Variants in MGAT5 observed in about 807,000 individuals in gnomAD.
MGAT5 encodes alpha-1,6-mannosylglycoprotein 6-beta-N-acetylglucosaminyltransferase A.
In MGAT5, 30 loss-of-function variants were observed where a neutral mutation model predicts 94.3. The ratio of observed to expected loss-of-function variants is 0.32; its 90% CI spans 0.24 to 0.43. The LOEUF is 0.43. MGAT5 is among the 20% of genes least tolerant of loss of function. The pLI, the probability that MGAT5 is intolerant of heterozygous loss-of-function variation, is 1.00. For missense variants in MGAT5, 691 were observed against 905.5 expected (o/e 0.76, Z 3.04); for synonymous variants, 310 against 322.9 (o/e 0.96, Z 0.43).
intron 1 of MGAT5, among the ~76,000 whole-genome samples, chr2:134,194,661 G>C (rs527479185): frequency 3.2e-4 from 49 of 152,190 alleles, no homozygotes; most frequent in African/African-American, 1.1e-3. Flanking sequence ...CCCTCCCCCG[G>C]GAGGTCTAGA....
In MGAT5 at chr2:134,216,302, T is replaced by A. The variant is rs1286036945; in HGVS notation, c.-142-37960T>A. Among the ~76,000 whole-genome samples, 5 of 152,038 alleles carry A rather than the reference T, an allele frequency of 3.3e-5. No homozygotes were observed. In the South Asian group the frequency reaches 1.0e-3, roughly 32 times the overall value. ...AGTCAGTGGGTGAAAGATGGCTAAG[T>A]CTGAAGCTTGTTCATGTTGTCGTCC... is the stretch of plus-strand genomic sequence containing the variant. On this transcript the variant is annotated intron_variant, in intron 1 of 16. Coordinates refer to the MGAT5 transcript ENST00000409645.
chr2:134,330,554 A>AGTGTGTGTGT (rs34688054), intron 4 of MGAT5, among the ~76,000 whole-genome samples: 4,175 of 148,540 alleles, frequency 0.028, 164 homozygotes, highest in African/African-American at 0.087. Context: ...TAAATTGTGT[A>AGTGTGTGTGT]GTGTGTGTGT....
At position 134,422,795 on chromosome 2, in the gene MGAT5, T is replaced by A. The variant is rs1428439433; in HGVS notation, c.1678-8T>A. The A allele has an allele frequency of 6.2e-7, 1 of 1,612,216 alleles. No individual in the cohort carries two copies. Among genetic ancestry groups the A allele is most frequent in the Non-Finnish European group, 8.5e-7 (1 of 1,178,560 alleles). On this transcript the variant is annotated splice_polypyrimidine_tract_variant and splice_region_variant and intron_variant, in intron 12 of 15. Coordinates refer to ENST00000281923, the MANE Select transcript of MGAT5 (RefSeq NM_002410.5). ...CTTGTGAGACTGAGGTGTTCGGTTC[T>A]TTTCCAGCTGACATCCCAGCATCCT...
At position 134,192,045 on chromosome 2, in the gene MGAT5, C is replaced by T. The variant is rs377670184; in HGVS notation, c.-142-62217C>T. 2.8e-4 allele frequency among the ~76,000 whole-genome samples: 41 copies of T among 145,392 alleles called. 1 individual carries two copies. Among genetic ancestry groups the T allele is most frequent in the African/African-American group, 1.0e-3 (40 of 38,858 alleles). ...CGGGTTCCTGATTGAAGGGTGGGTT[C>T]GCGCCTTCCTCTTCCTCCTGGCGCG... On this transcript the variant is annotated intron_variant, in intron 1 of 16. Coordinates refer to the MGAT5 transcript ENST00000409645.
At chr2:134,312,000 A>G (rs575102074) in intron 2 of MGAT5, among the ~76,000 whole-genome samples, 2 of 152,320 alleles carry the variant, frequency 1.3e-5, no homozygotes, top group South Asian at 4.1e-4. Context: ...CTGTAATCCC[A>G]GCACTTTGGG....
chr2:134,352,237 G>A (rs1023568055), intron 9 of MGAT5, among the ~76,000 whole-genome samples: 6 of 152,184 alleles, frequency 3.9e-5, no homozygotes, highest in African/African-American at 1.4e-4. Context: ...AAATCAAGAT[G>A]TGGCATGTGC....
intron 14 of MGAT5, among the ~76,000 whole-genome samples, chr2:134,437,664 A>G (rs939858769): frequency 5.3e-5 from 8 of 152,122 alleles, no homozygotes; most frequent in African/African-American, 1.9e-4. Flanking sequence ...TGGATTTTAA[A>G]ATCTCTTTAT....
chr2:134,430,245 A>G (rs1046965436), intron 14 of MGAT5, among the ~76,000 whole-genome samples: 1 of 152,170 alleles, frequency 6.6e-6, no homozygotes, highest in East Asian at 1.9e-4. Context: ...GAAAATAGTT[A>G]CCCAACTGCC....
intron 1 of MGAT5, among the ~76,000 whole-genome samples, chr2:134,223,431 T>G (rs190319105): frequency 1.6e-3 from 251 of 152,314 alleles, no homozygotes; most frequent in Non-Finnish European, 2.8e-3. Flanking sequence ...ATACCATGAT[T>G]TTTGTTTTCT....
chr2:134,311,389 G>A (rs995346544), intron 2 of MGAT5, among the ~76,000 whole-genome samples: 6 of 152,162 alleles, frequency 3.9e-5, no homozygotes, highest in South Asian at 2.1e-4. Flanking sequence ...AAAAACAAGT[G>A]TCATCTCAAA....
At chr2:134,137,879 CTTTCT>C (rs370412019) in intron 1 of MGAT5, among the ~76,000 whole-genome samples, 25 of 146,836 alleles carry the variant, frequency 1.7e-4, no homozygotes, top group East Asian at 7.9e-4. Context: ...AGCATCTCGC[CTTTCT>C]TTTCTTTTTT....
intron 1 of MGAT5, among the ~76,000 whole-genome samples, chr2:134,172,593 A>G (rs548699456): frequency 3.3e-5 from 5 of 152,190 alleles, no homozygotes; most frequent in South Asian, 2.1e-4. Context: ...TCACCGTGTT[A>G]GCCAGGATGG....
chr2:134,238,124 C>T (rs1372332074), intron 1 of MGAT5, among the ~76,000 whole-genome samples: 1 of 152,138 alleles, frequency 6.6e-6, no homozygotes, highest in African/African-American at 2.4e-5. Flanking sequence ...GTGAAGCTCT[C>T]TGAGAGGTAC....
intron 2 of MGAT5, among the ~76,000 whole-genome samples, chr2:134,284,719 A>G (rs899010783): frequency 2.6e-5 from 4 of 152,222 alleles, no homozygotes; most frequent in Non-Finnish European, 5.9e-5. Context: ...GGATCAGGGT[A>G]GGATATGATG....
chr2:134,192,746 T>C (rs112692096), intron 1 of MGAT5, among the ~76,000 whole-genome samples: 10,076 of 152,172 alleles, frequency 0.066, 637 homozygotes, highest in East Asian at 0.25. Flanking sequence ...GTGGGATTAT[T>C]TAAGTAAAAC....
At chr2:134,277,965 A>G (rs890300378) in intron 2 of MGAT5, among the ~76,000 whole-genome samples, 3 of 152,130 alleles carry the variant, frequency 2.0e-5, no homozygotes, top group African/African-American at 7.2e-5. Flanking sequence ...CAAGAGGCCA[A>G]CCACTTAGCT....
intron 1 of MGAT5, among the ~76,000 whole-genome samples, chr2:134,267,080 T>G (rs1183976667): frequency 6.6e-6 from 1 of 152,106 alleles, no homozygotes; most frequent in East Asian, 1.9e-4. Context: ...TGAGTGAGTC[T>G]TAAGAGTGAT....
At chr2:134,379,034 A>G (rs947035912) in intron 10 of MGAT5, among the ~76,000 whole-genome samples, 2 of 152,178 alleles carry the variant, frequency 1.3e-5, no homozygotes, top group African/African-American at 4.8e-5. Flanking sequence ...GGACTGGATA[A>G]TTTGAGTCCT....
At chr2:134,339,811 G>A (rs1381542487) in intron 6 of MGAT5, among the ~76,000 whole-genome samples, 1 of 152,148 alleles carries the variant, frequency 6.6e-6, no homozygotes, top group African/African-American at 2.4e-5. Flanking sequence ...TTTGATGGAA[G>A]CGCACAGAAA....
Sources: gnomAD v4.1 joint callset for allele counts (sites outside exome capture counted in the v4.1 genomes callset) on GRCh38, gnomAD v4.1.1 for gene constraint, MANE v1.5 for transcripts, NCBI Gene and HGNC (gene_info 2026-07-23, HGNC 2026-07-21) for gene names.